The following CHRM3 variants were observed in gnomAD, a reference collection of about 807,000 sequenced individuals.
CHRM3 encodes muscarinic acetylcholine receptor M3.
CHRM3 carries 11 observed loss-of-function variants against 41.8 expected under a neutral mutation model. The ratio of observed to expected loss-of-function variants is 0.26; its 90% CI spans 0.17 to 0.44. The LOEUF is 0.44. CHRM3 is among the 20% of genes least tolerant of loss of function. The pLI, the probability that CHRM3 is intolerant of heterozygous loss-of-function variation, is 1.00. For synonymous variants in CHRM3, 297 were observed against 301.4 expected, an observed-to-expected ratio of 0.99 and a Z score of 0.15; for missense variants, 571 against 745.4, an observed-to-expected ratio of 0.77 and a Z score of 2.72.
chr1:239,699,128 G>A (rs1481607055), intron 5 of CHRM3, among the ~76,000 whole-genome samples: 1 of 151,612 alleles, frequency 6.6e-6, no homozygotes, highest in East Asian at 1.9e-4. Flanking sequence ...TAATAATATT[G>A]CATGTGTTGT....
At chr1:239,794,242 C>T (rs534028334) in intron 5 of CHRM3, among the ~76,000 whole-genome samples, 1 of 152,186 alleles carries the variant, frequency 6.6e-6, no homozygotes, top group South Asian at 2.1e-4. Flanking sequence ...GGAGACAGTA[C>T]AGAGATCACA....
intron 6 of CHRM3, among the ~76,000 whole-genome samples, chr1:239,835,829 G>C (rs183144953): frequency 6.6e-6 from 1 of 152,314 alleles, no homozygotes; most frequent in African/African-American, 2.4e-5. Flanking sequence ...TGCTGATTCA[G>C]AAGGATGAAC....
At chr1:239,849,721 C>T (rs1674550653) in intron 6 of CHRM3, among the ~76,000 whole-genome samples, 1 of 152,120 alleles carries the variant, frequency 6.6e-6, no homozygotes, top group Non-Finnish European at 1.5e-5. Context: ...ATTGCTTCAC[C>T]TCTTATTCCC....
Position 239,908,470 on chromosome 1 carries a change from A to G in CHRM3, c.1019A>G (p.Asn340Ser). The G allele has an allele frequency of 6.2e-7, 1 of 1,612,190 alleles. No individual in the cohort carries two copies. ...DHSSSDSWNN[N>S]DAAASLENSA... ...AGCAGCAGTGACAGTTGGAACAACA[A>G]TGATGCTGCTGCCTCCCTGGAGAAC... Residue 340 changes from asparagine to serine, a missense_variant, in exon 7 of 7, where the codon AAT becomes AGT. This residue lies in a region of CHRM3 where 239 missense variants were observed against 239.6 expected (regional missense o/e 1.00). Coordinates refer to ENST00000676153, the MANE Select transcript of CHRM3 (RefSeq NM_001375978.1). The surrounding 1 kb of genome is among the most constrained non-coding windows in gnomAD (Gnocchi z 7.2).
intron 6 of CHRM3, among the ~76,000 whole-genome samples, chr1:239,852,672 A>G (rs1157911046): frequency 6.6e-6 from 1 of 151,898 alleles, no homozygotes; most frequent in Non-Finnish European, 1.5e-5. Context: ...TGAACAGCCA[A>G]CCTAAATCTT....
intron 1 of CHRM3, among the ~76,000 whole-genome samples, chr1:239,390,779 C>A (rs1658962865): frequency 6.6e-6 from 1 of 152,100 alleles, no homozygotes; most frequent in African/African-American, 2.4e-5. Context: ...TGCTACCTTC[C>A]CTAGCAGTTG....
Position 239,400,322 on chromosome 1 carries a change from T to C in CHRM3, c.-521+13095T>C, listed in dbSNP as rs1052588244. 2.0e-5 allele frequency among the ~76,000 whole-genome samples: 3 copies of C among 152,306 alleles called. No individual in the cohort carries two copies. In the East Asian group the frequency reaches 5.8e-4, roughly 29 times the overall value. ...GATTATTTTCTTTTTTGCTATTGAGTTTTTGACTTCCTTATATGTTCTGGT... is the reference window on the plus strand; with the variant it reads ...GATTATTTTCTTTTTTGCTATTGAGCTTTTGACTTCCTTATATGTTCTGGT... On this transcript the variant is annotated intron_variant, in intron 1 of 6. Transcript: ENST00000676153.
At chr1:239,601,862 G>A (rs1665584475) in intron 3 of CHRM3, among the ~76,000 whole-genome samples, 1 of 151,614 alleles carries the variant, frequency 6.6e-6, no homozygotes, top group African/African-American at 2.4e-5. Context: ...TGCAATAACT[G>A]TTTTCCGCCA....
intron 5 of CHRM3, among the ~76,000 whole-genome samples, chr1:239,735,292 T>C (rs2148452711): frequency 6.6e-6 from 1 of 152,176 alleles, no homozygotes; most frequent in Admixed American, 6.6e-5. Context: ...ATAAATAGGG[T>C]ATTCAGAGCA....
In CHRM3 at chr1:239,593,481, TA is replaced by T. The variant is rs66512128; in HGVS notation, c.-312-38731del. On this transcript the variant is annotated intron_variant, in intron 3 of 6. Coordinates refer to ENST00000676153, the MANE Select transcript of CHRM3 (RefSeq NM_001375978.1). The stretch of plus-strand genomic sequence containing the variant: ...TTTCTTACGTTAGACCATTTCTTTT[TA>T]AAAAAAAAAAACTCAAATATTTTAT... 6.0e-3 allele frequency among the ~76,000 whole-genome samples: 262 copies of T among 43,726 alleles called. 1 individual carries two copies. Among genetic ancestry groups the T allele is most frequent in the African/African-American group, 8.8e-3 (250 of 28,320 alleles). The allele number at this position is 43,726 out of a possible 152,430, so 28.7% of individuals were successfully genotyped here. A position where few individuals can be genotyped will look rare whatever the true frequency, so the allele number is the denominator to read the frequency against.
chr1:239,550,938 CTA>C (rs1659749903), intron 3 of CHRM3, among the ~76,000 whole-genome samples: 2 of 151,886 alleles, frequency 1.3e-5, no homozygotes, highest in South Asian at 4.2e-4. Flanking sequence ...ATTATAATAA[CTA>C]TTTTATTTCT....
intron 6 of CHRM3, among the ~76,000 whole-genome samples, chr1:239,851,428 G>T (rs1467819300): frequency 6.6e-6 from 1 of 152,054 alleles, no homozygotes; most frequent in Non-Finnish European, 1.5e-5. Flanking sequence ...ATATTATTTG[G>T]CAGGAGCAGG....
chr1:239,685,822 AAAAC>A (rs887883830), intron 5 of CHRM3, among the ~76,000 whole-genome samples: 8 of 152,134 alleles, frequency 5.3e-5, no homozygotes, highest in African/African-American at 1.4e-4. Context: ...ACTCCATCTC[AAAAC>A]AAACAAACAA....
rs1658551871 is a variant in CHRM3, at chr1:239,386,879, CT to C, written c.-868del. On this transcript the variant is annotated 5_prime_UTR_variant, in exon 1 of 7. Coordinates refer to ENST00000676153, the MANE Select transcript of CHRM3 (RefSeq NM_001375978.1). ...GGGCGGCACTGCCGAGCCGGGAGCG[CT>C]GCCGCTTGGGCAGGTGCCGCGGCCG... is the stretch of plus-strand genomic sequence containing the variant. 1 of 152,000 alleles carries C rather than the reference CT, an allele frequency of 6.6e-6. No individual in the cohort carries two copies. Among genetic ancestry groups the C allele is most frequent in the Admixed American group, 6.6e-5 (1 of 15,250 alleles). 9.4% of individuals were successfully genotyped at this position (152,000 alleles called of 1,614,324 possible). A position where few individuals can be genotyped will look rare whatever the true frequency, so the allele number is the denominator to read the frequency against.
intron 3 of CHRM3, among the ~76,000 whole-genome samples, chr1:239,562,962 T>A (rs1279476792): frequency 2.6e-5 from 4 of 151,588 alleles, no homozygotes; most frequent in African/African-American, 4.8e-5. Flanking sequence ...AAGAAAAATG[T>A]TACAGGTAGC....
At chr1:239,611,415 A>ATTT (rs1667017291) in intron 3 of CHRM3, among the ~76,000 whole-genome samples, 1 of 112,608 alleles carries the variant, frequency 8.9e-6, no homozygotes, top group East Asian at 3.8e-4. Context: ...TTTGCAAGTG[A>ATTT]CTTTTTTTTT....
intron 1 of CHRM3, among the ~76,000 whole-genome samples, chr1:239,404,602 T>C (rs1660421013): frequency 6.6e-6 from 1 of 150,444 alleles, no homozygotes; most frequent in South Asian, 2.1e-4. Context: ...TCTCAGGCTT[T>C]GCAAAGGGTG....
intron 5 of CHRM3, chr1:239,727,945 T>C (rs1351982360): frequency 1.3e-5 from 2 of 151,990 alleles, no homozygotes; most frequent in East Asian, 1.9e-4. Context: ...ACACTTGTCG[T>C]GCTGTAAGAC....
At chr1:239,808,018 G>GT (rs1330404936) in intron 5 of CHRM3, among the ~76,000 whole-genome samples, 3 of 152,092 alleles carry the variant, frequency 2.0e-5, no homozygotes, top group East Asian at 3.9e-4. Context: ...AAAACATGAA[G>GT]TTTTTTAAAG....
Sources: allele counts gnomAD v4.1 joint callset (sites outside exome capture counted in the v4.1 genomes callset), GRCh38; gene constraint gnomAD v4.1.1; regional missense constraint gnomAD v4.1.1; non-coding constraint Gnocchi (gnomAD v3.1); transcripts MANE v1.5; gene names NCBI Gene and HGNC (gene_info 2026-07-23, HGNC 2026-07-21).